The following CDH8 variants were observed in gnomAD, a reference collection of about 807,000 sequenced individuals.
CDH8 encodes cadherin-8.
Under a neutral mutation model 68.1 loss-of-function variants are expected in CDH8, and 17 were observed. The ratio of observed to expected loss-of-function variants is 0.25; its 90% CI spans 0.17 to 0.37. The LOEUF (loss-of-function observed/expected upper bound fraction) is 0.37. Among genes scored for constraint, CDH8 ranks in the 10% least tolerant of loss-of-function variants. The pLI is 1.00. For synonymous variants in CDH8, 372 were observed against 365.1 expected (o/e 1.02, Z -0.21); for missense variants, 763 against 999.3 (o/e 0.76, Z 3.19).
chr16:62,032,056 A>G (rs542851485), intron 1 of CDH8: 1 of 152,236 alleles, frequency 6.6e-6, no homozygotes, highest in Non-Finnish European at 1.5e-5. Context: ...CCTTTGGTTA[A>G]TTAAGCCCTG....
rs952689920 is a variant in CDH8 at position 61,822,365 on chromosome 16, C to A, written c.836-1252G>T. Among the ~76,000 whole-genome samples the A allele has an allele frequency of 1.3e-4, 20 of 150,648 alleles. 1 individual carries two copies. The highest frequency in any genetic ancestry group is 4.9e-4 in the African/African-American group (20 of 41,112). ...GGTCTGTTTCTGGGGAACCCAAACT[C>A]AAAAAACCAAAAAGTTTTACTCTCC... On this transcript the variant is annotated intron_variant, in intron 5 of 11. Transcript: ENST00000577390.
chr16:61,872,940 A>G (rs767304755), intron 3 of CDH8, among the ~76,000 whole-genome samples: 3 of 152,216 alleles, frequency 2.0e-5, no homozygotes, highest in Admixed American at 1.3e-4. Context: ...GAAGTTAATT[A>G]GCACCTGCAT....
chr16:61,980,345 G>A (rs750403607), intron 2 of CDH8, among the ~76,000 whole-genome samples: 5 of 152,232 alleles, frequency 3.3e-5, no homozygotes, highest in Non-Finnish European at 5.9e-5. Flanking sequence ...CCCTATTGAC[G>A]TCATATCTTC....
intron 2 of CDH8, among the ~76,000 whole-genome samples, chr16:61,973,292 C>T (rs892679037): frequency 5.9e-5 from 9 of 152,264 alleles, no homozygotes; most frequent in African/African-American, 1.9e-4. Flanking sequence ...TTTTCTCTTC[C>T]TTCTGATTTT....
intron 2 of CDH8, among the ~76,000 whole-genome samples, chr16:61,910,909 C>T (rs1042757744): frequency 3.9e-5 from 6 of 152,148 alleles, no homozygotes; most frequent in Admixed American, 2.0e-4. Flanking sequence ...TAACGTCTTA[C>T]ATTGGGCAAG....
At chr16:61,766,474 A>G (rs1960594502) in intron 8 of CDH8, among the ~76,000 whole-genome samples, 1 of 151,998 alleles carries the variant, frequency 6.6e-6, no homozygotes, top group Admixed American at 6.6e-5. Context: ...CCTTTTTGAT[A>G]TAGTGACTTC....
At chr16:61,768,818 A>T (rs1254519186) in intron 8 of CDH8, among the ~76,000 whole-genome samples, 2 of 151,856 alleles carry the variant, frequency 1.3e-5, no homozygotes, top group African/African-American at 4.8e-5. Context: ...TATTAACAGT[A>T]ACAATCCTTA....
At chr16:61,959,014 C>T (rs1370299558) in intron 2 of CDH8, among the ~76,000 whole-genome samples, 1 of 152,156 alleles carries the variant, frequency 6.6e-6, no homozygotes, top group Non-Finnish European at 1.5e-5. Flanking sequence ...GTTGCTTGTC[C>T]TCTCTGCCTG....
intron 4 of CDH8, among the ~76,000 whole-genome samples, chr16:61,846,968 A>G (rs770406941): frequency 2.0e-5 from 3 of 152,152 alleles, no homozygotes; most frequent in Non-Finnish European, 2.9e-5. Flanking sequence ...GTCCACTATC[A>G]ACAATCCCAT....
rs1161006824 is a variant in CDH8, at chr16:61,730,645, AAATT to A, written c.1415-3434_1415-3431del. Among the ~76,000 whole-genome samples the A allele has an allele frequency of 1.6e-4, 24 of 151,596 alleles. No individual in the cohort carries two copies. The Admixed American group carries it at 1.6e-3, about 10-fold the overall frequency. On this transcript the variant is annotated intron_variant, in intron 8 of 11. Transcript: ENST00000577390. The stretch of plus-strand genomic sequence containing the variant: ...TATTTAACAATTACGCAAGTGTACT[AAATT>A]AATTTGTTCTTATTTAGTTGTAGAT...
At chr16:61,910,701 A>G (rs1567524195) in intron 2 of CDH8, among the ~76,000 whole-genome samples, 1 of 152,188 alleles carries the variant, frequency 6.6e-6, no homozygotes, top group African/African-American at 2.4e-5. Flanking sequence ...ATATTCAAAT[A>G]AAAAGGCATA....
intron 2 of CDH8, among the ~76,000 whole-genome samples, chr16:61,959,970 A>ATG (rs1306078439): frequency 0.039 from 1,557 of 39,656 alleles, 117 homozygotes; most frequent in Admixed American, 0.068. Flanking sequence ...TATGTGGTGT[A>ATG]TGTGTGTGTG....
At chr16:61,683,876 G>A (rs1013025359) in intron 10 of CDH8, among the ~76,000 whole-genome samples, 7 of 151,916 alleles carry the variant, frequency 4.6e-5, no homozygotes, top group Non-Finnish European at 1.0e-4. Context: ...TTCTAGAAAG[G>A]CCAGTTGAAG....
In CDH8 at chr16:61,727,180, T is replaced by C. The variant is rs776066801; in HGVS notation, c.1450A>G (p.Ile484Val). ...HSQISRVPVA[I>V]KVLDVNDNAP... is the part of the protein sequence containing the mutation. ...TTGTCATTGACATCCAGCACTTTAA[T>C]AGCAACAGGTACTCGTGATATCTGA... Residue 484 changes from isoleucine to valine, a missense_variant, in exon 9 of 12, where the codon ATT becomes GTT. Ile to Val is a conservative substitution (Grantham distance 29, BLOSUM62 3). Transcript: ENST00000577390. 6.2e-7 allele frequency: 1 copy of C among 1,609,868 alleles called. No homozygotes were observed. The highest frequency in any genetic ancestry group is 1.1e-5 in the South Asian group (1 of 90,884).
chr16:61,782,383 G>A (rs1961091956), intron 8 of CDH8, among the ~76,000 whole-genome samples: 1 of 151,976 alleles, frequency 6.6e-6, no homozygotes, highest in Admixed American at 6.6e-5. Flanking sequence ...TTTCAGACCG[G>A]CTTAAAAAAC....
At chr16:61,947,854 G>GCT (rs1964824499) in intron 2 of CDH8, among the ~76,000 whole-genome samples, 1 of 152,074 alleles carries the variant, frequency 6.6e-6, no homozygotes, top group Non-Finnish European at 1.5e-5. Context: ...ATAAGGGATG[G>GCT]CTCGAGAAAA....
intron 2 of CDH8, among the ~76,000 whole-genome samples, chr16:61,993,822 A>T (rs1161130431): frequency 6.6e-6 from 1 of 152,194 alleles, no homozygotes; most frequent in African/African-American, 2.4e-5. Flanking sequence ...AAATAAAAAA[A>T]ATTCTGTGAA....
chr16:62,023,493 A>G (rs190703695), intron 1 of CDH8, among the ~76,000 whole-genome samples: 49 of 152,320 alleles, frequency 3.2e-4, no homozygotes, highest in African/African-American at 1.2e-3. Flanking sequence ...GAAATAAGAC[A>G]CATGTAAACC....
At chr16:61,848,644 CTT>C (rs138432363) in intron 4 of CDH8, among the ~76,000 whole-genome samples, 1 of 152,114 alleles carries the variant, frequency 6.6e-6, no homozygotes, top group Non-Finnish European at 1.5e-5. Context: ...TAGCTGTCCT[CTT>C]AACTATGAAA....
Sources: gnomAD v4.1 joint callset for allele counts (sites outside exome capture counted in the v4.1 genomes callset) on GRCh38, gnomAD v4.1.1 for gene constraint, MANE v1.5 for transcripts, NCBI Gene and HGNC (gene_info 2026-07-23, HGNC 2026-07-21) for gene names.